Variants in DCDC1 observed in about 807,000 individuals in gnomAD.
DCDC1 encodes the protein doublecortin domain containing 1, also known as doublecortin domain-containing protein 1.
DCDC1 carries 200 observed loss-of-function variants against 178.3 expected under a neutral mutation model. The ratio of observed to expected loss-of-function variants is 1.12; its 90% CI spans 1.00 to 1.26. The LOEUF (loss-of-function observed/expected upper bound fraction) is 1.26. DCDC1 is among the 50% of genes most tolerant of loss of function. DCDC1 has a pLI of 0.00. For synonymous variants in DCDC1, 690 were observed against 604.8 expected (o/e 1.14, Z -2.07); for missense variants, 1,983 against 1,749.2 (o/e 1.13, Z -2.38).
intron 9 of DCDC1, among the ~76,000 whole-genome samples, chr11:31,188,263 C>A (rs1969742387): frequency 6.6e-6 from 1 of 151,442 alleles, no homozygotes; most frequent in Non-Finnish European, 1.5e-5. Flanking sequence ...CTAAGGCCCC[C>A]CTTCCTATTC....
chr11:31,205,715 T>C (rs1184052243), intron 9 of DCDC1, among the ~76,000 whole-genome samples: 2 of 152,320 alleles, frequency 1.3e-5, no homozygotes, highest in East Asian at 3.9e-4. Context: ...CCTCTTAGCC[T>C]TAGCAACCTA....
At position 31,031,006 on chromosome 11, in the gene DCDC1, T is replaced by C. The variant is rs1953589806; in HGVS notation, c.2591+33463A>G. On this transcript the variant is annotated intron_variant, in intron 20 of 38. Transcript: ENST00000684477. ...ATACATATTGACCTCGGAGTATGAG[T>C]GAAGGTTATGTACCTTATAAAAAAG... Among the ~76,000 whole-genome samples the C allele has an allele frequency of 2.6e-5, 4 of 152,288 alleles. No individual in the cohort carries two copies. The South Asian group carries it at 8.3e-4, about 32-fold the overall frequency.
intron 20 of DCDC1, among the ~76,000 whole-genome samples, chr11:30,955,665 A>G (rs1948732689): frequency 6.6e-6 from 1 of 151,414 alleles, no homozygotes; most frequent in African/African-American, 2.4e-5. Context: ...TAATTCCTCA[A>G]CTCTTCCAGA....
intron 9 of DCDC1, among the ~76,000 whole-genome samples, chr11:31,170,572 T>A (rs1416983880): frequency 2.6e-5 from 4 of 152,182 alleles, no homozygotes; most frequent in Non-Finnish European, 4.4e-5. Context: ...ATTCCTCAAA[T>A]AAAACATCTT....
chr11:31,091,764 T>C (rs914829479), intron 16 of DCDC1, among the ~76,000 whole-genome samples: 1 of 152,176 alleles, frequency 6.6e-6, no homozygotes, highest in Non-Finnish European at 1.5e-5. Flanking sequence ...CATTTGTCTT[T>C]TTTTTTCTGT....
chr11:31,287,444 T>C (rs1183690682), intron 7 of DCDC1, among the ~76,000 whole-genome samples: 3 of 151,808 alleles, frequency 2.0e-5, no homozygotes, highest in Non-Finnish European at 2.9e-5. Flanking sequence ...ATATATACAG[T>C]TTAACAAAAC....
At chr11:31,073,975 C>G (rs969174459) in intron 18 of DCDC1, among the ~76,000 whole-genome samples, 1 of 152,082 alleles carries the variant, frequency 6.6e-6, no homozygotes, top group Non-Finnish European at 1.5e-5. Flanking sequence ...AATAAAATTA[C>G]CATGCTTATC....
intron 9 of DCDC1, among the ~76,000 whole-genome samples, chr11:31,232,708 C>T (rs1237306573): frequency 6.6e-6 from 1 of 152,144 alleles, no homozygotes; most frequent in South Asian, 2.1e-4. Context: ...AAGGACCTTA[C>T]TGCCATTGGT....
At chr11:31,115,545 C>T (rs1350630983) in intron 11 of DCDC1, among the ~76,000 whole-genome samples, 2 of 152,094 alleles carry the variant, frequency 1.3e-5, no homozygotes, top group African/African-American at 4.8e-5. Flanking sequence ...GGATTTATTA[C>T]TAGAGGTCTG....
chr11:31,329,399 T>G (rs932563945), intron 2 of DCDC1, among the ~76,000 whole-genome samples: 2 of 152,194 alleles, frequency 1.3e-5, no homozygotes, highest in Admixed American at 6.5e-5. Context: ...TTTCCATTTT[T>G]TTTTATTACT....
chr11:31,277,193 C>T (rs751713043), intron 7 of DCDC1, among the ~76,000 whole-genome samples: 3 of 151,950 alleles, frequency 2.0e-5, no homozygotes, highest in Non-Finnish European at 4.4e-5. Context: ...GAGAATAGTT[C>T]GTCTGTTCTA....
intron 20 of DCDC1, among the ~76,000 whole-genome samples, chr11:31,028,804 A>G (rs181454645): frequency 2.1e-4 from 32 of 152,194 alleles, no homozygotes; most frequent in African/African-American, 6.3e-4. Flanking sequence ...ATAGCTCTGT[A>G]TCACCAGGGA....
At chr11:31,117,024 C>T (rs1195592974) in intron 11 of DCDC1, among the ~76,000 whole-genome samples, 1 of 152,008 alleles carries the variant, frequency 6.6e-6, no homozygotes, top group African/African-American at 2.4e-5. Context: ...TAGAAGGGAG[C>T]CCAAAGACTC....
chr11:31,148,702 C>CAA (rs397972383), intron 9 of DCDC1, among the ~76,000 whole-genome samples: 117 of 141,582 alleles, frequency 8.3e-4, no homozygotes, highest in Non-Finnish European at 1.1e-3. Flanking sequence ...GACTCCGTCT[C>CAA]AAAAAAAAAA....
At chr11:31,243,390 G>A (rs1977425328) in intron 8 of DCDC1, among the ~76,000 whole-genome samples, 4 of 151,526 alleles carry the variant, frequency 2.6e-5, no homozygotes, top group Non-Finnish European at 1.5e-5. Context: ...ACATTGAAAG[G>A]CACTACATAA....
intron 12 of DCDC1, among the ~76,000 whole-genome samples, chr11:31,107,488 C>T (rs1958927851): frequency 6.6e-6 from 1 of 152,048 alleles, no homozygotes; most frequent in Admixed American, 6.6e-5. Flanking sequence ...TAATTATGAA[C>T]CCTGAAATAG....
chr11:31,299,214 C>G (rs1241586904), intron 6 of DCDC1, among the ~76,000 whole-genome samples: 3 of 152,170 alleles, frequency 2.0e-5, no homozygotes, highest in African/African-American at 7.2e-5. Flanking sequence ...TCATTTATTG[C>G]TATAGGCATG....
chr11:31,185,338 C>T (rs1429900406), intron 9 of DCDC1, among the ~76,000 whole-genome samples: 3 of 151,874 alleles, frequency 2.0e-5, no homozygotes, highest in Admixed American at 6.6e-5. Context: ...TAGCAAACCA[C>T]GATGGCACGT....
At chr11:31,041,498 T>C (rs1590850022) in intron 20 of DCDC1, among the ~76,000 whole-genome samples, 1 of 152,236 alleles carries the variant, frequency 6.6e-6, no homozygotes, top group Non-Finnish European at 1.5e-5. Context: ...GCTGGAATTA[T>C]TATTCAAAAT....
Sources: allele counts gnomAD v4.1 joint callset (sites outside exome capture counted in the v4.1 genomes callset), GRCh38; gene constraint gnomAD v4.1.1; transcripts MANE v1.5; gene names NCBI Gene and HGNC (gene_info 2026-07-23, HGNC 2026-07-21).